The following CTTNBP2 variants were observed in gnomAD, a reference collection of about 807,000 sequenced individuals.
CTTNBP2 encodes the protein cortactin binding protein 2, also known as cortactin-binding protein 2.
In CTTNBP2, 108 loss-of-function variants were observed where a neutral mutation model predicts 156.9. The ratio of observed to expected loss-of-function variants is 0.69; its 90% CI spans 0.59 to 0.81. The LOEUF (loss-of-function observed/expected upper bound fraction) is 0.81, where lower values mean the gene tolerates loss of function less well. Ranked by LOEUF, CTTNBP2 falls within the 30% of genes least tolerant of loss-of-function variation. CTTNBP2 has a pLI of 0.00. For missense variants in CTTNBP2, 1,924 were observed against 2,035.4 expected, an observed-to-expected ratio of 0.95 and a Z score of 1.05; for synonymous variants, 767 against 751.8, an observed-to-expected ratio of 1.02 and a Z score of -0.33.
intron 2 of CTTNBP2, among the ~76,000 whole-genome samples, chr7:117,816,462 C>A (rs548958814): frequency 6.6e-6 from 1 of 152,298 alleles, no homozygotes; most frequent in East Asian, 1.9e-4. Context: ...TTGCCCCAGG[C>A]CTTTGTGTTG....
At chr7:117,833,653 T>C (rs756184174) in intron 2 of CTTNBP2, among the ~76,000 whole-genome samples, 14 of 152,222 alleles carry the variant, frequency 9.2e-5, no homozygotes, top group Non-Finnish European at 1.6e-4. Flanking sequence ...ACTGAATTCT[T>C]CATATTCCAC....
intron 22 of CTTNBP2, among the ~76,000 whole-genome samples, chr7:117,717,542 C>T (rs1478859634): frequency 6.6e-6 from 1 of 152,060 alleles, no homozygotes; most frequent in African/African-American, 2.4e-5. Flanking sequence ...TGAAATCTTG[C>T]ACCATCCTAC....
intron 3 of CTTNBP2, among the ~76,000 whole-genome samples, chr7:117,810,497 A>G (rs1361440164): frequency 6.6e-6 from 1 of 152,188 alleles, no homozygotes; most frequent in East Asian, 1.9e-4. Context: ...ACATATATAT[A>G]GAGAGAGATT....
intron 2 of CTTNBP2, among the ~76,000 whole-genome samples, chr7:117,826,187 A>T (rs775736566): frequency 6.6e-6 from 1 of 152,192 alleles, no homozygotes; most frequent in Non-Finnish European, 1.5e-5. Context: ...CAATTATGTC[A>T]ACTGTAATCC....
At chr7:117,785,350 A>T (rs1798652247) in intron 4 of CTTNBP2, among the ~76,000 whole-genome samples, 1 of 152,218 alleles carries the variant, frequency 6.6e-6, no homozygotes. Flanking sequence ...GGCTGTAAAA[A>T]CAGTAAAGTA....
intron 2 of CTTNBP2, among the ~76,000 whole-genome samples, chr7:117,829,950 A>G (rs1801502637): frequency 6.6e-6 from 1 of 152,194 alleles, no homozygotes; most frequent in Admixed American, 6.5e-5. Flanking sequence ...AAGCACATGG[A>G]TTCTTGCAGC....
intron 14 of CTTNBP2, among the ~76,000 whole-genome samples, chr7:117,743,932 A>G (rs1739286722): frequency 6.6e-6 from 1 of 152,056 alleles, no homozygotes; most frequent in South Asian, 2.1e-4. Flanking sequence ...TTCAGATTCT[A>G]CTGGAATTTT....
At chr7:117,750,682 G>C (rs548132372) in intron 12 of CTTNBP2, among the ~76,000 whole-genome samples, 2 of 152,168 alleles carry the variant, frequency 1.3e-5, no homozygotes, top group East Asian at 1.9e-4. Context: ...TCAGAACCGG[G>C]TCGAACATGC....
intron 4 of CTTNBP2, among the ~76,000 whole-genome samples, chr7:117,790,598 T>TA (rs397968884): frequency 0.047 from 6,434 of 136,162 alleles, 221 homozygotes; most frequent in African/African-American, 0.11. Flanking sequence ...TTTCTGAAGG[T>TA]AAAAAAAAAA....
At chr7:117,784,929 T>A (rs1485679104) in intron 4 of CTTNBP2, among the ~76,000 whole-genome samples, 4 of 152,196 alleles carry the variant, frequency 2.6e-5, no homozygotes, top group African/African-American at 9.6e-5. Context: ...TCAACAAGGT[T>A]TCTAAAATGT....
intron 22 of CTTNBP2, among the ~76,000 whole-genome samples, chr7:117,715,213 A>G (rs34002054): frequency 0.12 from 18,365 of 152,138 alleles, 1,451 homozygotes; most frequent in Non-Finnish European, 0.17. Context: ...CTGTGACGAG[A>G]GAAGGTTCTA....
intron 4 of CTTNBP2, among the ~76,000 whole-genome samples, chr7:117,785,946 T>C (rs762040970): frequency 3.9e-5 from 6 of 152,190 alleles, no homozygotes; most frequent in Non-Finnish European, 7.4e-5. Context: ...TTTAGTAAGA[T>C]ACAACAGATG....
At chr7:117,716,960 TCCCA>T (rs1380130189) in intron 22 of CTTNBP2, among the ~76,000 whole-genome samples, 5 of 152,270 alleles carry the variant, frequency 3.3e-5, no homozygotes, top group Non-Finnish European at 7.3e-5. Context: ...CGCCCCACCT[TCCCA>T]CCCACACACA....
Position 117,767,194 on chromosome 7 carries a change from C to T in CTTNBP2, c.2779-18G>A, listed in dbSNP as rs1797532305. 2 of 1,332,882 alleles carry T rather than the reference C, an allele frequency of 1.5e-6. No homozygotes were observed. The highest frequency in any genetic ancestry group is 1.8e-4 in the Middle Eastern group (1 of 5,574). The allele number at this position is 1,332,882 out of a possible 1,614,324, so 82.6% of individuals were successfully genotyped here. On this transcript the variant is annotated intron_variant, in intron 8 of 22. Transcript: ENST00000160373. The stretch of plus-strand genomic sequence containing the variant: ...AGGCAGTTCTATAAAGACAAGAGCT[C>T]TATTACCTCCAAGTCCAAATGAATT...
chr7:117,872,905 T>A (rs1804719013), intron 1 of CTTNBP2, among the ~76,000 whole-genome samples: 1 of 151,434 alleles, frequency 6.6e-6, no homozygotes, highest in Non-Finnish European at 1.5e-5. Context: ...CGCTGAGCGG[T>A]ACCAGGCACC....
rs200975491 is a variant in CTTNBP2 at position 117,756,610 on chromosome 7, C to A, written c.3293G>T (p.Ser1098Ile). 5.1e-4 allele frequency: 815 copies of A among 1,613,598 alleles called. 3 individuals carry two copies. The highest frequency in any genetic ancestry group is 3.6e-4 in the Non-Finnish European group (424 of 1,179,532). ...AGGGATCATGGAGGCATAAGTCACACTACTGAGACAGCCTTCTTGAGGACC... is the reference window on the plus strand; with the variant it reads ...AGGGATCATGGAGGCATAAGTCACAATACTGAGACAGCCTTCTTGAGGACC... ...LSGPQEGCLSSVTYASMIPLQ... is the reference protein window; with the variant it reads ...LSGPQEGCLSIVTYASMIPLQ... Residue 1098 changes from serine (S) to isoleucine (I), a missense_variant, in exon 12 of 23, where the codon AGT becomes ATT. Coordinates refer to ENST00000160373, the MANE Select transcript of CTTNBP2 (RefSeq NM_033427.3).
intron 14 of CTTNBP2, among the ~76,000 whole-genome samples, chr7:117,743,141 A>G (rs79999963): frequency 6.6e-6 from 1 of 152,202 alleles, no homozygotes. Context: ...AGATCTAGAA[A>G]TGCTGAGTTG....
intron 1 of CTTNBP2, among the ~76,000 whole-genome samples, chr7:117,865,354 T>TA (rs1303537314): frequency 3.3e-5 from 5 of 151,558 alleles, no homozygotes; most frequent in Non-Finnish European, 7.4e-5. Context: ...GAAAAGAAAC[T>TA]AAAAACAAAG....
intron 21 of CTTNBP2, 61 bp downstream of exon 21, chr7:117,719,443 C>A: frequency 6.8e-7 from 1 of 1,468,976 alleles, no homozygotes; most frequent in Non-Finnish European, 9.2e-7. Flanking sequence ...AATTGTGGTC[C>A]CCCAAAAGTC....
Sources: gnomAD v4.1 joint callset for allele counts (sites outside exome capture counted in the v4.1 genomes callset) on GRCh38, gnomAD v4.1.1 for gene constraint, MANE v1.5 for transcripts, NCBI Gene and HGNC (gene_info 2026-07-23, HGNC 2026-07-21) for gene names.